GALNTL6: variants seen among roughly 807,000 people sequenced by gnomAD.
GALNTL6 encodes the protein polypeptide N-acetylgalactosaminyltransferase-like 6.
In GALNTL6, 46 loss-of-function variants were observed where a neutral mutation model predicts 73.7. The observed-to-expected ratio is 0.62, with a 90% CI of 0.49 to 0.80. The LOEUF is 0.80. Ranked by LOEUF, GALNTL6 falls within the 30% of genes least tolerant of loss-of-function variation. GALNTL6 has a pLI of 0.00. For missense variants in GALNTL6, 604 were observed against 755.0 expected, an observed-to-expected ratio of 0.80 and a Z score of 2.34; for synonymous variants, 259 against 263.7, an observed-to-expected ratio of 0.98 and a Z score of 0.17.
At chr4:172,569,495 T>C (rs1267419135) in intron 5 of GALNTL6, among the ~76,000 whole-genome samples, 2 of 152,194 alleles carry the variant, frequency 1.3e-5, no homozygotes, top group African/African-American at 2.4e-5. Flanking sequence ...GTGAAAATGA[T>C]GAGGAAAAAG....
chr4:172,770,715 C>G (rs1738715719), intron 5 of GALNTL6, among the ~76,000 whole-genome samples: 1 of 152,112 alleles, frequency 6.6e-6, no homozygotes, highest in Non-Finnish European at 1.5e-5. Flanking sequence ...ATATGTTCTG[C>G]CATCATGAAG....
chr4:172,081,605 T>C (rs564955341), intron 2 of GALNTL6, among the ~76,000 whole-genome samples: 1 of 152,288 alleles, frequency 6.6e-6, no homozygotes, highest in South Asian at 2.1e-4. Context: ...ACCACTGCAC[T>C]CCAGCCTGGT....
At chr4:172,126,869 C>T (rs1172543442) in intron 2 of GALNTL6, among the ~76,000 whole-genome samples, 2 of 152,296 alleles carry the variant, frequency 1.3e-5, no homozygotes, top group East Asian at 3.9e-4. Context: ...TACCCACAGC[C>T]ACCACCATAG....
chr4:172,496,635 A>T lies in GALNTL6; in HGVS notation c.553+147946A>T, dbSNP rs1019335528. 3.3e-5 allele frequency among the ~76,000 whole-genome samples: 5 copies of T among 152,194 alleles called. No individual in the cohort carries two copies. The South Asian group carries it at 1.0e-3, about 32-fold the overall frequency. ...GAGTTCGAGGCTGCAGTGAGTTATG[A>T]TCAGGCCACTCCACTCCAGCCTGGG... is the stretch of plus-strand genomic sequence containing the variant. On this transcript the variant is annotated intron_variant, in intron 5 of 12. Coordinates refer to ENST00000506823, the MANE Select transcript of GALNTL6 (RefSeq NM_001034845.3).
chr4:171,995,484 A>G (rs1266585009), intron 2 of GALNTL6, among the ~76,000 whole-genome samples: 1 of 152,050 alleles, frequency 6.6e-6, no homozygotes. Flanking sequence ...ACGTATCTCC[A>G]TAATGTAATG....
In GALNTL6 at chr4:171,909,393, C is replaced by A. The variant is rs542946695; in HGVS notation, c.138+94675C>A. 2.0e-5 allele frequency among the ~76,000 whole-genome samples: 3 copies of A among 152,062 alleles called. No individual in the cohort carries two copies. The South Asian group carries it at 6.2e-4, about 31-fold the overall frequency. ...CAGTATGGTCTTGTGATCAAATATT[C>A]TATCATCTGATGCTGGCTTTCACCT... is the stretch of plus-strand genomic sequence containing the variant. On this transcript the variant is annotated intron_variant, in intron 2 of 12. Transcript: ENST00000506823.
chr4:172,183,826 C>T (rs1270757672), intron 2 of GALNTL6, among the ~76,000 whole-genome samples: 15 of 141,326 alleles, frequency 1.1e-4, no homozygotes, highest in East Asian at 6.5e-4. Context: ...CGGAGTCTCT[C>T]TCTGTTGCCA....
At chr4:172,106,811 G>A (rs1158296810) in intron 2 of GALNTL6, among the ~76,000 whole-genome samples, 3 of 152,128 alleles carry the variant, frequency 2.0e-5, no homozygotes, top group Admixed American at 6.5e-5. Context: ...AGTGAATAAT[G>A]TATCATAGGG....
intron 2 of GALNTL6, among the ~76,000 whole-genome samples, chr4:171,979,401 A>G (rs1307466059): frequency 6.6e-6 from 1 of 152,202 alleles, no homozygotes; most frequent in Non-Finnish European, 1.5e-5. Flanking sequence ...AAGAAAAAAT[A>G]TCGACACAAC....
intron 5 of GALNTL6, among the ~76,000 whole-genome samples, chr4:172,395,559 T>C (rs762474929): frequency 5.9e-5 from 9 of 152,136 alleles, no homozygotes; most frequent in African/African-American, 1.2e-4. Context: ...ATAACACGTT[T>C]AGATGTTTTT....
At chr4:171,835,854 A>G (rs906953435) in intron 2 of GALNTL6, among the ~76,000 whole-genome samples, 8 of 152,048 alleles carry the variant, frequency 5.3e-5, no homozygotes, top group African/African-American at 1.9e-4. Flanking sequence ...ATTTTTAAAT[A>G]ATAATAGTTA....
At chr4:172,112,720 C>T (rs1166769960) in intron 2 of GALNTL6, among the ~76,000 whole-genome samples, 2 of 151,876 alleles carry the variant, frequency 1.3e-5, no homozygotes, top group Admixed American at 6.6e-5. Context: ...ACACCCATGA[C>T]GATGGTATTA....
chr4:172,887,293 A>T (rs1745772253), intron 8 of GALNTL6, among the ~76,000 whole-genome samples: 1 of 152,178 alleles, frequency 6.6e-6, no homozygotes, highest in African/African-American at 2.4e-5. Context: ...TGCAATGAAC[A>T]TATGAGTGCA....
intron 5 of GALNTL6, among the ~76,000 whole-genome samples, chr4:172,562,307 T>A (rs931303354): frequency 2.6e-5 from 4 of 152,102 alleles, no homozygotes; most frequent in Admixed American, 6.5e-5. Context: ...CACAATAGCA[T>A]CACACAGAAG....
intron 5 of GALNTL6, among the ~76,000 whole-genome samples, chr4:172,354,656 T>G (rs969482346): frequency 6.6e-6 from 1 of 152,094 alleles, no homozygotes; most frequent in Admixed American, 6.6e-5. Flanking sequence ...ACTCAACTCA[T>G]AAAAAGTCTT....
chr4:172,696,112 AG>A (rs1733675180), intron 5 of GALNTL6, among the ~76,000 whole-genome samples: 1 of 152,218 alleles, frequency 6.6e-6, no homozygotes, highest in African/African-American at 2.4e-5. Context: ...ATCAACACTA[AG>A]AAAACTCTTT....
chr4:172,271,797 A>G (rs899925999), intron 3 of GALNTL6, among the ~76,000 whole-genome samples: 1 of 152,126 alleles, frequency 6.6e-6, no homozygotes, highest in Admixed American at 6.6e-5. Context: ...ACAGATATGC[A>G]TGATGAAAGA....
At chr4:172,875,408 A>G (rs1745144965) in intron 7 of GALNTL6, among the ~76,000 whole-genome samples, 3 of 152,312 alleles carry the variant, frequency 2.0e-5, no homozygotes, top group Middle Eastern at 3.4e-3. Context: ...ACCCAAATCT[A>G]TACTTTAGCC....
At chr4:172,848,753 A>G (rs1302428107) in intron 7 of GALNTL6, among the ~76,000 whole-genome samples, 1 of 152,164 alleles carries the variant, frequency 6.6e-6, no homozygotes, top group Non-Finnish European at 1.5e-5. Flanking sequence ...ACTTCTTTGG[A>G]CTGCAAGGCA....
Sources: allele counts gnomAD v4.1 joint callset (sites outside exome capture counted in the v4.1 genomes callset), GRCh38; gene constraint gnomAD v4.1.1; transcripts MANE v1.5; gene names NCBI Gene and HGNC (gene_info 2026-07-23, HGNC 2026-07-21).